The following TEX9 variants were observed in gnomAD, a reference collection of about 807,000 sequenced individuals.
The protein encoded by TEX9 is testis-expressed protein 9.
Under a neutral mutation model 59.6 loss-of-function variants are expected in TEX9, and 74 were observed. The ratio of observed to expected loss-of-function variants is 1.24; its 90% CI spans 1.03 to 1.51. The LOEUF (loss-of-function observed/expected upper bound fraction) is 1.51. Among genes scored for constraint, TEX9 ranks in the 40% most tolerant of loss-of-function variants. TEX9 has a pLI of 0.00. For synonymous variants in TEX9, 186 were observed against 152.2 expected (o/e 1.22, Z -1.64); for missense variants, 522 against 447.8 (o/e 1.17, Z -1.49).
intron 10 of TEX9, among the ~76,000 whole-genome samples, chr15:56,419,835 G>T (rs747351310): frequency 6.6e-6 from 1 of 151,830 alleles, no homozygotes; most frequent in South Asian, 2.1e-4. Context: ...ATAAGTTTTT[G>T]TAGGGTTGGT....
At chr15:56,353,070 C>T (rs1035181503) in intron 1 of TEX9, among the ~76,000 whole-genome samples, 2 of 152,198 alleles carry the variant, frequency 1.3e-5, no homozygotes, top group Admixed American at 6.5e-5. Context: ...TAGGTGCTCA[C>T]AGCCCCTTTC....
intron 1 of TEX9, among the ~76,000 whole-genome samples, chr15:56,290,604 A>G (rs912617723): frequency 6.6e-6 from 1 of 152,050 alleles, no homozygotes; most frequent in Non-Finnish European, 1.5e-5. Context: ...GGCATGCACC[A>G]CAATCAATAC....
At chr15:56,399,006 T>C (rs1361563420) in intron 9 of TEX9, among the ~76,000 whole-genome samples, 1 of 152,074 alleles carries the variant, frequency 6.6e-6, no homozygotes, top group Non-Finnish European at 1.5e-5. Flanking sequence ...GATGGCCAAA[T>C]AGGAACAGCT....
chr15:56,413,923 A>AT (rs1336550964), intron 10 of TEX9, among the ~76,000 whole-genome samples: 1 of 151,742 alleles, frequency 6.6e-6, no homozygotes, highest in Non-Finnish European at 1.5e-5. Context: ...AGTTTGTTAT[A>AT]TGGTCAGGTC....
chr15:56,378,288 G>C (rs1313223562), intron 3 of TEX9, among the ~76,000 whole-genome samples: 2 of 152,138 alleles, frequency 1.3e-5, no homozygotes, highest in African/African-American at 2.4e-5. Flanking sequence ...GTTTGAGTTG[G>C]TTTGGTATTA....
At chr15:56,299,678 G>A (rs1360368768) in intron 1 of TEX9, among the ~76,000 whole-genome samples, 1 of 152,158 alleles carries the variant, frequency 6.6e-6, no homozygotes, top group African/African-American at 2.4e-5. Context: ...ACTTTGTCTT[G>A]TAACTTGGAT....
At chr15:56,371,008 C>T (rs2047167699) in intron 2 of TEX9, among the ~76,000 whole-genome samples, 1 of 152,078 alleles carries the variant, frequency 6.6e-6, no homozygotes, top group African/African-American at 2.4e-5. Context: ...AGGCATGCAG[C>T]ACCACACCTG....
At position 56,440,553 on chromosome 15, in the gene TEX9, T is replaced by C. The variant is rs1211734793; in HGVS notation, c.*30-5118T>C. On this transcript the variant is annotated intron_variant, in intron 12 of 12. Transcript: ENST00000352903. ...AGATTTACTCATCAGAGCTAAATATTGGAAGCATTCCAAATGCCCTTTAAT... is the reference window on the plus strand; with the variant it reads ...AGATTTACTCATCAGAGCTAAATATCGGAAGCATTCCAAATGCCCTTTAAT... Among the ~76,000 whole-genome samples the C allele has an allele frequency of 2.0e-5, 3 of 152,174 alleles. No homozygotes were observed. The East Asian group carries it at 5.8e-4, about 29-fold the overall frequency.
At chr15:56,292,531 G>T (rs1314558506) in intron 1 of TEX9, among the ~76,000 whole-genome samples, 1 of 152,152 alleles carries the variant, frequency 6.6e-6, no homozygotes, top group Non-Finnish European at 1.5e-5. Flanking sequence ...GGCAGTGAGG[G>T]TCTGAGCTAC....
intron 3 of TEX9, among the ~76,000 whole-genome samples, chr15:56,377,190 A>T (rs1318327235): frequency 6.6e-6 from 1 of 152,016 alleles, no homozygotes; most frequent in African/African-American, 2.4e-5. Context: ...AGGTAATGTG[A>T]TTTCTCAAGT....
intron 1 of TEX9, among the ~76,000 whole-genome samples, chr15:56,269,995 A>G (rs2141387513): frequency 6.6e-6 from 1 of 152,168 alleles, no homozygotes; most frequent in South Asian, 2.1e-4. Context: ...ATTTGATTGC[A>G]CTGTGGTCTG....
chr15:56,381,796 C>T (rs1248172100), intron 3 of TEX9, among the ~76,000 whole-genome samples: 8 of 152,178 alleles, frequency 5.3e-5, no homozygotes, highest in East Asian at 1.9e-4. Context: ...GATTGTGCTC[C>T]GTCAGACCTG....
At chr15:56,392,575 C>T (rs2048267160) in intron 7 of TEX9, among the ~76,000 whole-genome samples, 1 of 152,092 alleles carries the variant, frequency 6.6e-6, no homozygotes, top group South Asian at 2.1e-4. Context: ...GGACACAGAT[C>T]CAAACCATAT....
At chr15:56,456,122 A>T in the TEX9 span, among the ~76,000 whole-genome samples, 19 of 152,256 alleles carry the variant, frequency 1.2e-4, no homozygotes, top group African/African-American at 3.8e-4. Context: ...TTAGGAATTC[A>T]TTTTTTATAA....
At chr15:56,398,615 A>G (rs1364538226) in intron 9 of TEX9, among the ~76,000 whole-genome samples, 1 of 151,858 alleles carries the variant, frequency 6.6e-6, no homozygotes, top group Non-Finnish European at 1.5e-5. Context: ...ATCCTGTGCA[A>G]TTTTTCTTCC....
chr15:56,304,520 T>C (rs545486778), intron 1 of TEX9, among the ~76,000 whole-genome samples: 1 of 152,348 alleles, frequency 6.6e-6, no homozygotes, highest in African/African-American at 2.4e-5. Context: ...TGTCCTTCAT[T>C]CTGTTGATAT....
intron 1 of TEX9, among the ~76,000 whole-genome samples, chr15:56,305,443 A>T (rs956072602): frequency 3.3e-5 from 5 of 152,188 alleles, no homozygotes; most frequent in Non-Finnish European, 7.3e-5. Context: ...CCAAAGAAAC[A>T]GAACAGAGAA....
intron 2 of TEX9, among the ~76,000 whole-genome samples, chr15:56,370,232 A>C (rs546339712): frequency 6.6e-6 from 1 of 152,156 alleles, no homozygotes; most frequent in African/African-American, 2.4e-5. Flanking sequence ...GAAAGACGTT[A>C]GAATGCTTTA....
chr15:56,384,333 A>G (rs550990685), intron 4 of TEX9, among the ~76,000 whole-genome samples: 2 of 152,326 alleles, frequency 1.3e-5, no homozygotes, highest in South Asian at 2.1e-4. Context: ...ATGATCACCA[A>G]ACATTCCAAG....
Sources: gnomAD v4.1 joint callset for allele counts (sites outside exome capture counted in the v4.1 genomes callset) on GRCh38, gnomAD v4.1.1 for gene constraint, MANE v1.5 for transcripts, NCBI Gene and HGNC (gene_info 2026-07-23, HGNC 2026-07-21) for gene names.